FMNL1: variants seen among roughly 807,000 people sequenced by gnomAD.
FMNL1 encodes the protein formin-like protein 1.
In FMNL1, 43 loss-of-function variants were observed where a neutral mutation model predicts 121.3. The observed-to-expected ratio is 0.35, with a 90% CI of 0.28 to 0.46. The LOEUF (loss-of-function observed/expected upper bound fraction) is 0.46. Ranked by LOEUF, FMNL1 falls within the 20% of genes least tolerant of loss-of-function variation. The pLI, the probability that FMNL1 is intolerant of heterozygous loss-of-function variation, is 1.00. For synonymous variants in FMNL1, 613 were observed against 613.5 expected, an observed-to-expected ratio of 1.00 and a Z score of 0.01; for missense variants, 1,191 against 1,482.4, an observed-to-expected ratio of 0.80 and a Z score of 3.23.
At position 45,243,871 on chromosome 17, in the gene FMNL1, T is replaced by C; in HGVS notation, c.2294T>C (p.Ile765Thr). ...FLPTEYERSL[I>T]TRFEREQRPM... Reference sequence around the variant, plus strand: ...CCCACAGAGTATGAGCGCAGCCTCATCACCCGCTTTGAGCGGGAGCAGCGG... The same window carrying C: ...CCCACAGAGTATGAGCGCAGCCTCACCACCCGCTTTGAGCGGGAGCAGCGG... Residue 765 changes from isoleucine to threonine, a missense_variant, in exon 18 of 27, where the codon ATC becomes ACC. By Grantham distance (89) the Ile-to-Thr change is moderately conservative. Transcript: ENST00000331495. 1 of 1,613,940 alleles carries C rather than the reference T, an allele frequency of 6.2e-7. No individual in the cohort carries two copies. The highest frequency in any genetic ancestry group is 8.5e-7 in the Non-Finnish European group (1 of 1,180,038).
In FMNL1 at chr17:45,241,974, C is replaced by A; in HGVS notation, c.1713C>A (p.Ser571Arg). 7.6e-7 allele frequency: 1 copy of A among 1,315,156 alleles called. No individual in the cohort carries two copies. Among genetic ancestry groups the A allele is most frequent in the Non-Finnish European group, 9.7e-7 (1 of 1,034,668 alleles). The allele number at this position is 1,315,156 out of a possible 1,614,324, so 81.5% of individuals were successfully genotyped here. The stretch of plus-strand genomic sequence containing the variant: ...CACAGGCCCCGCCTCTCCCTGGCAG[C>A]CCGGAGCCCCCGCCTGCGCCGCCGC... ...APPQAPPLPG[S>R]PEPPPAPPLP... is the part of the protein sequence containing the mutation. Residue 571 changes from serine (S) to arginine (R), a missense_variant, in exon 15 of 27, where the codon AGC becomes AGA. Around this residue, in one of 4 missense-constraint regions of FMNL1, gnomAD observed 519 missense variants for 492.8 expected, o/e 1.05. Coordinates refer to ENST00000331495, the MANE Select transcript of FMNL1 (RefSeq NM_005892.4). This position sits in a 1 kb window ranked among gnomAD's most constrained non-coding sequence, Gnocchi z 7.0.
intron 7 of FMNL1, 122 bp downstream of exon 7, chr17:45,236,366 G>T: frequency 1.3e-6 from 1 of 753,854 alleles, no homozygotes. Context: ...TGGGGAACTT[G>T]CGCATCTGGG....
Position 45,233,367 on chromosome 17 carries a change from C to T in FMNL1, c.401+70C>T. The T allele has an allele frequency of 6.9e-7, 1 of 1,456,950 alleles. No homozygotes were observed. Among genetic ancestry groups the T allele is most frequent in the Non-Finnish European group, 9.3e-7 (1 of 1,070,726 alleles). 90.3% of individuals were successfully genotyped at this position (1,456,950 alleles called of 1,614,324 possible). A position where few individuals can be genotyped will look rare whatever the true frequency, so the allele number is the denominator to read the frequency against. On this transcript the variant is annotated intron_variant, in intron 4 of 26. Transcript: ENST00000331495. The surrounding 1 kb of genome is among the most constrained non-coding windows in gnomAD (Gnocchi z 4.1). ...TGCTTCCAGGCAGCTCCTGGAGCTTCCCCTTCCTACTCCCCCTGCCCCCTG... is the reference window on the plus strand; with the variant it reads ...TGCTTCCAGGCAGCTCCTGGAGCTTTCCCTTCCTACTCCCCCTGCCCCCTG...
At position 45,238,943 on chromosome 17, in the gene FMNL1, C is replaced by A. The variant is rs774910766; in HGVS notation, c.970-12C>A. The A allele has an allele frequency of 1.5e-5, 24 of 1,611,424 alleles. No homozygotes were observed. In the Admixed American group the frequency reaches 4.0e-4, roughly 27 times the overall value. On this transcript the variant is annotated splice_polypyrimidine_tract_variant and intron_variant, in intron 10 of 26. Coordinates refer to ENST00000331495, the MANE Select transcript of FMNL1 (RefSeq NM_005892.4). ...AGAGGATCATAGATCTCCCCATGTCCCTGGCTCCCAGGTGGCCTGCATGCA... is the reference window on the plus strand; with the variant it reads ...AGAGGATCATAGATCTCCCCATGTCACTGGCTCCCAGGTGGCCTGCATGCA...
chr17:45,221,954 G>C lies in FMNL1; in HGVS notation c.-171G>C, dbSNP rs1333928147. 2 of 401,708 alleles carry C rather than the reference G, an allele frequency of 5.0e-6. No individual in the cohort carries two copies. Among genetic ancestry groups the C allele is most frequent in the African/African-American group, 4.3e-5 (2 of 46,978 alleles). The allele number at this position is 401,708 out of a possible 1,614,324, so 24.9% of individuals were successfully genotyped here. A position where few individuals can be genotyped will look rare whatever the true frequency, so the allele number is the denominator to read the frequency against. On this transcript the variant is annotated 5_prime_UTR_variant, in exon 1 of 27. Coordinates refer to ENST00000331495, the MANE Select transcript of FMNL1 (RefSeq NM_005892.4). ...CGGGGCCGCCCCGATGGGACGCCGC[G>C]CTCCGGCCCCTGCGCGCCGCTGAGC...
chr17:45,222,489 C>T (rs2043247608), intron 1 of FMNL1, among the ~76,000 whole-genome samples: 2 of 152,178 alleles, frequency 1.3e-5, no homozygotes, highest in Non-Finnish European at 2.9e-5. Flanking sequence ...GACGCCTCCA[C>T]CCCAGCTGGG....
chr17:45,235,548 C>T (rs550328484), intron 6 of FMNL1, among the ~76,000 whole-genome samples: 7 of 152,292 alleles, frequency 4.6e-5, no homozygotes, highest in Middle Eastern at 6.8e-3. Flanking sequence ...GTGGAAGTCC[C>T]GGTCGGCAGT....
chr17:45,233,976 C>G lies in FMNL1; in HGVS notation c.486-96C>G. 4 of 1,510,862 alleles carry G rather than the reference C, an allele frequency of 2.6e-6. No individual in the cohort carries two copies. The South Asian group carries it at 5.1e-5, about 19-fold the overall frequency. 93.6% of individuals were successfully genotyped at this position (1,510,862 alleles called of 1,614,324 possible). A position where few individuals can be genotyped will look rare whatever the true frequency, so the allele number is the denominator to read the frequency against. On this transcript the variant is annotated intron_variant, in intron 5 of 26. Coordinates refer to ENST00000331495, the MANE Select transcript of FMNL1 (RefSeq NM_005892.4). The surrounding 1 kb of genome is among the most constrained non-coding windows in gnomAD (Gnocchi z 4.1). ...CAGCCTCCTCCTCCTGCTCCTTAGTCTCACCTGCAGGTCTGTCTCTCCTTG... is the reference window on the plus strand; with the variant it reads ...CAGCCTCCTCCTCCTGCTCCTTAGTGTCACCTGCAGGTCTGTCTCTCCTTG...
chr17:45,243,886 G>A lies in FMNL1; in HGVS notation c.2309G>A (p.Arg770Gln), dbSNP rs938536726. Reference sequence around the variant, plus strand: ...CGCAGCCTCATCACCCGCTTTGAGCGGGAGCAGCGGCCAATGGAGGAGCTG... The same window carrying A: ...CGCAGCCTCATCACCCGCTTTGAGCAGGAGCAGCGGCCAATGGAGGAGCTG... ...YERSLITRFE[R>Q]EQRPMEELSE... The change falls in exon 18 of 27, where the codon CGG (arginine) becomes CAG (glutamine). Residue 770 changes from arginine (R) to glutamine (Q), a missense_variant. Arg to Gln is a conservative substitution (Grantham distance 43). Around this residue, in one of 4 missense-constraint regions of FMNL1, gnomAD observed 367 missense variants for 528.6 expected, o/e 0.69. Transcript: ENST00000331495. 9 of 1,613,888 alleles carry A rather than the reference G, an allele frequency of 5.6e-6. No individual in the cohort carries two copies. The highest frequency in any genetic ancestry group is 3.3e-5 in the Admixed American group (2 of 60,034).
Position 45,234,071 on chromosome 17 carries a change from G to A in FMNL1, c.486-1G>A, listed in dbSNP as rs1369117908. 6.2e-7 allele frequency: 1 copy of A among 1,613,850 alleles called. No homozygotes were observed. The highest frequency in any genetic ancestry group is 2.2e-5 in the East Asian group (1 of 44,878). ...CCAGCCCCATTGCATCCTGTCCCCA[G>A]GTATGACATGGAGAGCACAGACAAC... On this transcript the variant is annotated splice_acceptor_variant, in intron 5 of 26. Coordinates refer to ENST00000331495, the MANE Select transcript of FMNL1 (RefSeq NM_005892.4). LOFTEE classifies it high-confidence loss of function.
In FMNL1 at chr17:45,239,071, C is replaced by G; in HGVS notation, c.1080+6C>G. On this transcript the variant is annotated splice_donor_region_variant and intron_variant, in intron 11 of 26. Transcript: ENST00000331495. ...GCCTGGACCTGTACTTGGAGGTAAG[C>G]CCTGTACTGCCCCCCAGACTGAACT... The G allele has an allele frequency of 3.1e-6, 5 of 1,606,860 alleles. No homozygotes were observed. The highest frequency in any genetic ancestry group is 4.3e-6 in the Non-Finnish European group (5 of 1,173,404).
At position 45,241,971 on chromosome 17, in the gene FMNL1, C is replaced by T. The variant is rs2043710112; in HGVS notation, c.1710C>T (p.Gly570=). Residue 570 remains glycine, a synonymous_variant, in exon 15 of 27, where the codon GGC becomes GGT. Coordinates refer to ENST00000331495, the MANE Select transcript of FMNL1 (RefSeq NM_005892.4). The surrounding 1 kb of genome is among the most constrained non-coding windows in gnomAD (Gnocchi z 7.0). Reference sequence around the variant, plus strand: ...CCCCACAGGCCCCGCCTCTCCCTGGCAGCCCGGAGCCCCCGCCTGCGCCGC... The same window carrying T: ...CCCCACAGGCCCCGCCTCTCCCTGGTAGCCCGGAGCCCCCGCCTGCGCCGC... ...SAPPQAPPLP[G]SPEPPPAPPL... 3 of 1,319,934 alleles carry T rather than the reference C, an allele frequency of 2.3e-6. No homozygotes were observed. The highest frequency in any genetic ancestry group is 3.1e-5 in the African/African-American group (2 of 63,592). 81.8% of individuals were successfully genotyped at this position (1,319,934 alleles called of 1,614,324 possible).
intron 1 of FMNL1, among the ~76,000 whole-genome samples, chr17:45,229,415 TCTGA>T (rs1454007579): frequency 6.6e-6 from 1 of 152,206 alleles, no homozygotes; most frequent in Non-Finnish European, 1.5e-5. Flanking sequence ...GGTGTGGCCC[TCTGA>T]CTGCTCCAGC....
chr17:45,244,667 G>A, intron 19 of FMNL1, 152 bp from the exon 20 acceptor site: 1 of 774,386 alleles, frequency 1.3e-6, no homozygotes, highest in Non-Finnish European at 2.1e-6. Flanking sequence ...ACATGTACAT[G>A]TGCTGTGGAT....
intron 12 of FMNL1, 75 bp downstream of exon 12, chr17:45,240,700 A>T (rs1453343625): frequency 6.5e-7 from 1 of 1,534,588 alleles, no homozygotes; most frequent in Admixed American, 2.1e-5. Flanking sequence ...CCACGCAAGC[A>T]TGGGCACTGG....
chr17:45,238,942 C>T lies in FMNL1; in HGVS notation c.970-13C>T. 1 of 1,610,112 alleles carries T rather than the reference C, an allele frequency of 6.2e-7. No homozygotes were observed. Among genetic ancestry groups the T allele is most frequent in the Non-Finnish European group, 8.5e-7 (1 of 1,176,352 alleles). ...TAGAGGATCATAGATCTCCCCATGT[C>T]CCTGGCTCCCAGGTGGCCTGCATGC... is the stretch of plus-strand genomic sequence containing the variant. On this transcript the variant is annotated splice_polypyrimidine_tract_variant and intron_variant, in intron 10 of 26. Coordinates refer to ENST00000331495, the MANE Select transcript of FMNL1 (RefSeq NM_005892.4).
intron 6 of FMNL1, chr17:45,234,521 G>C (rs1014577606): frequency 2.8e-6 from 1 of 360,430 alleles, no homozygotes; most frequent in Non-Finnish European, 5.4e-6. Flanking sequence ...AAAATTAGCC[G>C]GGTGTGGTGG....
chr17:45,246,710 G>A (rs1351349839), intron 26 of FMNL1, 106 bp downstream of exon 26: 1 of 1,189,622 alleles, frequency 8.4e-7, no homozygotes, highest in Non-Finnish European at 1.2e-6. Flanking sequence ...TGGCTGGGAT[G>A]TGATTTGTGG....
chr17:45,223,134 C>CCTGGCT (rs2143129272), intron 1 of FMNL1, among the ~76,000 whole-genome samples: 1 of 152,328 alleles, frequency 6.6e-6, no homozygotes, highest in South Asian at 2.1e-4. Context: ...ACGCCCTGGC[C>CCTGGCT]CTGGCTCCCT....
Sources: allele counts gnomAD v4.1 joint callset (sites outside exome capture counted in the v4.1 genomes callset), GRCh38; gene constraint gnomAD v4.1.1; regional missense constraint gnomAD v4.1.1; non-coding constraint Gnocchi (gnomAD v3.1); transcripts MANE v1.5; gene names NCBI Gene and HGNC (gene_info 2026-07-23, HGNC 2026-07-21).